The following ZFHX3 variants were observed in gnomAD, a reference collection of about 807,000 sequenced individuals.
ZFHX3 encodes the protein zinc finger homeobox 3.
In ZFHX3, 42 loss-of-function variants were observed where a neutral mutation model predicts 279.1. That is an observed-to-expected ratio of 0.15 (90% confidence interval 0.12 to 0.19). The LOEUF (loss-of-function observed/expected upper bound fraction) is 0.19, where lower values mean the gene tolerates loss of function less well. Ranked by LOEUF, ZFHX3 falls within the 10% of genes least tolerant of loss-of-function variation. ZFHX3 has a pLI of 1.00. For missense variants in ZFHX3, 4,981 were observed against 4,754.0 expected (o/e 1.05, Z -1.40); for synonymous variants, 2,293 against 1,957.8 (o/e 1.17, Z -4.52).
intron 1 of ZFHX3, among the ~76,000 whole-genome samples, chr16:73,763,597 T>C (rs377324856): frequency 6.6e-5 from 10 of 152,288 alleles, no homozygotes; most frequent in African/African-American, 1.9e-4. Flanking sequence ...GACACACCCA[T>C]AGGTGACACT....
At chr16:72,791,204 T>G (rs2035684426) in intron 9 of ZFHX3, 1 of 152,192 alleles carries the variant, frequency 6.6e-6, no homozygotes, top group Admixed American at 6.5e-5. Flanking sequence ...CAGATGGTTA[T>G]GAGGATTAAA....
At chr16:73,313,615 C>A (rs1157893633) in intron 4 of ZFHX3, among the ~76,000 whole-genome samples, 1 of 152,198 alleles carries the variant, frequency 6.6e-6, no homozygotes, top group African/African-American at 2.4e-5. Flanking sequence ...CCTGGCACTT[C>A]AGACTCCATA....
intron 5 of ZFHX3, among the ~76,000 whole-genome samples, chr16:72,815,954 A>G (rs1395781262): frequency 6.6e-6 from 1 of 152,262 alleles, no homozygotes; most frequent in Non-Finnish European, 1.5e-5. Context: ...TGGCCATTCT[A>G]CTGAGTATTA....
At position 73,230,922 on chromosome 16, in the gene ZFHX3, A is replaced by T. The variant is rs572165230; in HGVS notation, c.-1104+26125T>A. ...CGGGGGGAGCTGGAATTGAATCCTC[A>T]TGCGGAGGTCTCACTCTAGATAGCT... On this transcript the variant is annotated intron_variant, in intron 5 of 17. Transcript: ENST00000641206. 1.4e-3 allele frequency among the ~76,000 whole-genome samples: 209 copies of T among 152,284 alleles called. 1 individual carries two copies. Among genetic ancestry groups the T allele is most frequent in the Non-Finnish European group, 4.1e-4 (28 of 68,006 alleles).
chr16:73,730,386 G>GA (rs1036047769), intron 1 of ZFHX3, among the ~76,000 whole-genome samples: 1 of 144,968 alleles, frequency 6.9e-6, no homozygotes, highest in African/African-American at 2.6e-5. Flanking sequence ...GAAAAAGAGA[G>GA]AGAAAGAAAG....
chr16:73,096,686 G>T (rs563099276), intron 7 of ZFHX3, among the ~76,000 whole-genome samples: 2 of 151,858 alleles, frequency 1.3e-5, no homozygotes, highest in Non-Finnish European at 2.9e-5. Flanking sequence ...ATTACAGGGG[G>T]ATTGCAGGCA....
chr16:73,532,414 G>A lies in ZFHX3; in HGVS notation c.-1546-76156C>T, dbSNP rs549829539. Among the ~76,000 whole-genome samples the A allele has an allele frequency of 1.7e-4, 26 of 152,238 alleles. No homozygotes were observed. In the South Asian group the frequency reaches 5.2e-3, roughly 30 times the overall value. On this transcript the variant is annotated intron_variant, in intron 2 of 17. Coordinates refer to the ZFHX3 transcript ENST00000641206. The stretch of plus-strand genomic sequence containing the variant: ...ATTGTGAGGCCTCCCCAGCTATGTG[G>A]AACTGAGTCCATTAAACCTCTTTTT...
chr16:72,954,500 C>T (rs1282254365), intron 2 of ZFHX3, among the ~76,000 whole-genome samples: 1 of 152,224 alleles, frequency 6.6e-6, no homozygotes, highest in African/African-American at 2.4e-5. Flanking sequence ...CACCTTGACA[C>T]GTGAGCCCAC....
At chr16:72,913,385 C>T (rs1282442484) in intron 3 of ZFHX3, among the ~76,000 whole-genome samples, 1 of 152,232 alleles carries the variant, frequency 6.6e-6, no homozygotes, top group African/African-American at 2.4e-5. Flanking sequence ...GACCTGGGCG[C>T]TTCTGACAGG....
intron 4 of ZFHX3, among the ~76,000 whole-genome samples, chr16:73,296,683 A>G (rs2014917630): frequency 6.6e-6 from 1 of 152,154 alleles, no homozygotes; most frequent in Non-Finnish European, 1.5e-5. Context: ...GCAGTTACGT[A>G]TTTGATCATG....
chr16:73,696,609 G>A lies in ZFHX3; in HGVS notation c.-1607-16369C>T, dbSNP rs181527210. ...CACCAACAGGGCCTGAAAGTGGCAT[G>A]TTGCTCAGCTCCAAATTCATTGCTT... On this transcript the variant is annotated intron_variant, in intron 1 of 17. Transcript: ENST00000641206. Among the ~76,000 whole-genome samples, 348 of 152,336 alleles carry A rather than the reference G, an allele frequency of 2.3e-3. 2 individuals carry two copies. The highest frequency in any genetic ancestry group is 8.1e-3 in the African/African-American group (335 of 41,572).
intron 3 of ZFHX3, among the ~76,000 whole-genome samples, chr16:72,949,241 G>C (rs911885638): frequency 2.6e-5 from 4 of 152,202 alleles, no homozygotes; most frequent in African/African-American, 9.6e-5. Flanking sequence ...GAGTAGAGTA[G>C]GGACTCAACT....
intron 3 of ZFHX3, among the ~76,000 whole-genome samples, chr16:72,921,724 G>C (rs2039590219): frequency 6.6e-6 from 1 of 152,210 alleles, no homozygotes; most frequent in African/African-American, 2.4e-5. Context: ...AGAGAAAAGG[G>C]GGCAGTGCCT....
chr16:73,307,489 C>A (rs1253947797), intron 4 of ZFHX3, among the ~76,000 whole-genome samples: 1 of 152,218 alleles, frequency 6.6e-6, no homozygotes, highest in African/African-American at 2.4e-5. Flanking sequence ...CTGCTTCTTT[C>A]TGCAAAAACA....
At chr16:73,081,328 C>G (rs1965942201) in intron 8 of ZFHX3, 1 of 151,306 alleles carries the variant, frequency 6.6e-6, no homozygotes, top group South Asian at 2.1e-4. Context: ...TCTCTGCTCT[C>G]TGCTCACCAC....
intron 5 of ZFHX3, among the ~76,000 whole-genome samples, chr16:72,828,952 A>C (rs916454670): frequency 6.6e-6 from 1 of 151,446 alleles, no homozygotes; most frequent in Non-Finnish European, 1.5e-5. Flanking sequence ...CAGCCTCCCA[A>C]AGTGCTGGGA....
intron 3 of ZFHX3, among the ~76,000 whole-genome samples, chr16:73,450,778 C>G (rs2018270256): frequency 6.6e-6 from 1 of 152,216 alleles, no homozygotes; most frequent in African/African-American, 2.4e-5. Context: ...CTGCCATTAG[C>G]AAATTGGAAA....
intron 5 of ZFHX3, among the ~76,000 whole-genome samples, chr16:73,231,815 T>C (rs1162747451): frequency 1.3e-5 from 2 of 152,214 alleles, no homozygotes; most frequent in African/African-American, 4.8e-5. Context: ...GCATATTTCT[T>C]CTGGAGCTCT....
At chr16:73,246,107 C>T (rs769427902) in intron 5 of ZFHX3, among the ~76,000 whole-genome samples, 47 of 152,146 alleles carry the variant, frequency 3.1e-4, no homozygotes, top group Non-Finnish European at 6.3e-4. Flanking sequence ...CTTGGTTATG[C>T]TTCCAACAAG....
Sources: allele counts gnomAD v4.1 joint callset (sites outside exome capture counted in the v4.1 genomes callset), GRCh38; gene constraint gnomAD v4.1.1; transcripts MANE v1.5; gene names NCBI Gene and HGNC (gene_info 2026-07-23, HGNC 2026-07-21).